TENM3: variants seen among roughly 807,000 people sequenced by gnomAD.
TENM3 encodes teneurin transmembrane protein 3, also known as teneurin-3.
TENM3 carries 63 observed loss-of-function variants against 255.1 expected under a neutral mutation model. The observed-to-expected ratio is 0.25, with a 90% confidence interval of 0.20 to 0.30. The LOEUF is 0.30. TENM3 is among the 10% of genes least tolerant of loss of function. The probability of loss-of-function intolerance (pLI) is 1.00; values close to 1 mark genes in which losing one functional copy is unlikely to be tolerated. For synonymous variants in TENM3, 1,306 were observed against 1,322.3 expected (o/e 0.99, Z 0.27); for missense variants, 2,929 against 3,461.1 (o/e 0.85, Z 3.86).
intron 24 of TENM3, among the ~76,000 whole-genome samples, chr4:182,781,284 C>T (rs1182320099): frequency 6.8e-6 from 1 of 147,848 alleles, no homozygotes; most frequent in Non-Finnish European, 1.5e-5. Context: ...TGAATTTTGT[C>T]AAAGGCTTTT....
intron 25 of TENM3, among the ~76,000 whole-genome samples, chr4:182,790,261 C>T (rs904207615): frequency 1.3e-5 from 2 of 148,964 alleles, no homozygotes; most frequent in Non-Finnish European, 3.0e-5. Context: ...TACCCAGCAG[C>T]GCGTGCTACA....
At chr4:182,706,068 C>T (rs781579289) in intron 12 of TENM3, among the ~76,000 whole-genome samples, 6 of 152,292 alleles carry the variant, frequency 3.9e-5, no homozygotes, top group Non-Finnish European at 5.9e-5. Flanking sequence ...AGGATTTCCA[C>T]GTTGTTTAGT....
At chr4:182,649,077 A>G (rs935016792) in intron 5 of TENM3, among the ~76,000 whole-genome samples, 2 of 152,044 alleles carry the variant, frequency 1.3e-5, no homozygotes, top group Non-Finnish European at 2.9e-5. Context: ...GTGGATACAT[A>G]TTTCTATGGG....
At position 182,792,174 on chromosome 4, in the gene TENM3, T is replaced by G; in HGVS notation, c.5602-100T>G. On this transcript the variant is annotated intron_variant, in intron 25 of 27. Transcript: ENST00000511685. This position sits in a 1 kb window ranked among gnomAD's most constrained non-coding sequence, Gnocchi z 6.3. ...GATAACTCAATTAAAATGAAAATCA[T>G]TTTCTCTAGTGGAATGTTTCTGTGC... is the stretch of plus-strand genomic sequence containing the variant. The G allele has an allele frequency of 9.1e-7, 1 of 1,102,636 alleles. No homozygotes were observed. Among genetic ancestry groups the G allele is most frequent in the Admixed American group, 2.3e-5 (1 of 43,558 alleles). The allele number at this position is 1,102,636 out of a possible 1,614,324, so 68.3% of individuals were successfully genotyped here. A position where few individuals can be genotyped will look rare whatever the true frequency, so the allele number is the denominator to read the frequency against.
At chr4:182,574,704 TCTC>T (rs1437680082) in intron 3 of TENM3, among the ~76,000 whole-genome samples, 14 of 152,120 alleles carry the variant, frequency 9.2e-5, no homozygotes, top group African/African-American at 3.4e-4. Context: ...CTTTTTCTCT[TCTC>T]CTACCCTACT....
rs924785578 is a variant in TENM3 at position 182,225,696 on chromosome 4, C to T, written c.-76+80942C>T. Reference sequence around the variant, plus strand: ...GATTTCAAAGGGCCAACCAGGGACACGGGAGATGTCTCCAAAATCAAGGAA... The same window carrying T: ...GATTTCAAAGGGCCAACCAGGGACATGGGAGATGTCTCCAAAATCAAGGAA... On this transcript the variant is annotated intron_variant, in intron 1 of 2. Coordinates refer to the TENM3 transcript ENST00000512480. Among the ~76,000 whole-genome samples the T allele has an allele frequency of 1.3e-4, 20 of 152,162 alleles. No homozygotes were observed. In the East Asian group the frequency reaches 1.4e-3, roughly 10 times the overall value.
the TENM3 span, among the ~76,000 whole-genome samples, chr4:182,040,413 T>C: frequency 4.7e-4 from 71 of 152,318 alleles, no homozygotes; most frequent in African/African-American, 1.5e-3. Context: ...TGTGCCTTCC[T>C]GACTTTCCAG....
chr4:182,109,906 G>A, the TENM3 span, among the ~76,000 whole-genome samples: 1 of 152,178 alleles, frequency 6.6e-6, no homozygotes, highest in East Asian at 1.9e-4. Context: ...ACCTCTTTTT[G>A]TACACCCCAC....
At chr4:181,894,542 T>C in the TENM3 span, among the ~76,000 whole-genome samples, 2,164 of 152,270 alleles carry the variant, frequency 0.014, 51 homozygotes, top group African/African-American at 0.05. Flanking sequence ...TCAGGGAGTA[T>C]GAGCAAAACA....
the TENM3 span, among the ~76,000 whole-genome samples, chr4:181,524,061 T>C: frequency 6.6e-6 from 1 of 152,302 alleles, no homozygotes; most frequent in African/African-American, 2.4e-5. Context: ...CAAAGGTGAC[T>C]AGCTTCTTTA....
chr4:181,602,705 T>G, the TENM3 span, among the ~76,000 whole-genome samples: 2 of 152,164 alleles, frequency 1.3e-5, no homozygotes, highest in South Asian at 4.1e-4. Flanking sequence ...AAACTCAGGG[T>G]GTTAGTATTA....
the TENM3 span, among the ~76,000 whole-genome samples, chr4:181,627,076 C>A: frequency 1.3e-5 from 2 of 152,100 alleles, no homozygotes; most frequent in Non-Finnish European, 2.9e-5. Context: ...ACTCTAGTGG[C>A]TAATTAAGAA....
At chr4:181,752,395 C>CA in the TENM3 span, among the ~76,000 whole-genome samples, 30 of 151,654 alleles carry the variant, frequency 2.0e-4, no homozygotes, top group Middle Eastern at 3.4e-3. Flanking sequence ...ACTAAAAATA[C>CA]AAAAAAAATA....
chr4:182,765,719 A>C (rs183370877), intron 22 of TENM3, among the ~76,000 whole-genome samples: 4 of 152,148 alleles, frequency 2.6e-5, no homozygotes, highest in Admixed American at 2.0e-4. Context: ...TCCTAACTGC[A>C]TGACTGTGAG....
the TENM3 span, among the ~76,000 whole-genome samples, chr4:181,677,901 G>C: frequency 3.3e-5 from 5 of 152,154 alleles, no homozygotes; most frequent in African/African-American, 9.6e-5. Flanking sequence ...TGTTTCTTCT[G>C]CATGCCTCTG....
At chr4:181,588,085 C>A in the TENM3 span, among the ~76,000 whole-genome samples, 1 of 152,136 alleles carries the variant, frequency 6.6e-6, no homozygotes, top group Admixed American at 6.5e-5. Context: ...CAGGGGCATG[C>A]GCTTTTTAGA....
chr4:181,642,277 A>G, the TENM3 span, among the ~76,000 whole-genome samples: 1 of 152,042 alleles, frequency 6.6e-6, no homozygotes, highest in East Asian at 1.9e-4. Context: ...TTCTTTCAAG[A>G]AGTGTCTGTT....
chr4:182,520,840 C>G (rs1353311475), intron 3 of TENM3, among the ~76,000 whole-genome samples: 1 of 152,140 alleles, frequency 6.6e-6, no homozygotes, highest in Non-Finnish European at 1.5e-5. Flanking sequence ...CTTTCCTTCT[C>G]TCATGGGCCA....
intron 6 of TENM3, among the ~76,000 whole-genome samples, chr4:182,668,349 A>G (rs1375275658): frequency 2.0e-5 from 3 of 152,158 alleles, no homozygotes; most frequent in African/African-American, 7.2e-5. Context: ...TTGAGGGTCT[A>G]TTAATAGAAA....
Sources: allele counts gnomAD v4.1 joint callset (sites outside exome capture counted in the v4.1 genomes callset), GRCh38; gene constraint gnomAD v4.1.1; non-coding constraint Gnocchi (gnomAD v3.1); transcripts MANE v1.5; gene names NCBI Gene and HGNC (gene_info 2026-07-23, HGNC 2026-07-21).